FAM151B: variants seen among roughly 807,000 people sequenced by gnomAD.
FAM151B encodes the protein protein FAM151B.
A neutral mutation model predicts 31.2 loss-of-function variants in FAM151B; 24 were observed. That is an observed-to-expected ratio of 0.77 (90% CI 0.56 to 1.08). The LOEUF (loss-of-function observed/expected upper bound fraction) is 1.08. FAM151B is among the 50% of genes least tolerant of loss of function. The probability of loss-of-function intolerance (pLI) is 0.00; values close to 1 mark genes in which losing one functional copy is unlikely to be tolerated. For missense variants in FAM151B, 293 were observed against 328.6 expected (o/e 0.89, Z 0.84); for synonymous variants, 105 against 111.4 (o/e 0.94, Z 0.36).
chr5:80,513,621 G>A lies in FAM151B; in HGVS notation c.169G>A (p.Glu57Lys). Residue 57 changes from glutamate to lysine, a missense_variant, in exon 3 of 6, where the codon GAG becomes AAG. Glu to Lys is a moderately conservative substitution (Grantham distance 56). Coordinates refer to ENST00000282226, the MANE Select transcript of FAM151B (RefSeq NM_205548.3). Reference sequence around the variant, plus strand: ...TTGGACAGGTACTGCTCACATGATAGAGGCTGATGTCCTTCTTCCAAGTGA... The same window carrying A: ...TTGGACAGGTACTGCTCACATGATAAAGGCTGATGTCCTTCTTCCAAGTGA... ...EALKSTAHMIEADVLLPSDGS... is the reference protein window; with the variant it reads ...EALKSTAHMIKADVLLPSDGS... 1 of 1,613,042 alleles carries A rather than the reference G, an allele frequency of 6.2e-7. No individual in the cohort carries two copies. Among genetic ancestry groups the A allele is most frequent in the East Asian group, 2.2e-5 (1 of 44,862 alleles).
chr5:80,519,288 G>C (rs144953542), intron 3 of FAM151B, among the ~76,000 whole-genome samples: 3 of 151,916 alleles, frequency 2.0e-5, no homozygotes, highest in Admixed American at 2.0e-4. Context: ...GATCCACTTG[G>C]GTATTTCATA....
chr5:80,536,361 A>G (rs1456382269), intron 5 of FAM151B, among the ~76,000 whole-genome samples: 2 of 151,830 alleles, frequency 1.3e-5, no homozygotes, highest in African/African-American at 4.8e-5. Context: ...TTTTTAGTAG[A>G]GACGGAGTTT....
intron 2 of FAM151B, among the ~76,000 whole-genome samples, chr5:80,511,437 A>AAT (rs1744183507): frequency 1.6e-5 from 1 of 63,384 alleles, no homozygotes; most frequent in Non-Finnish European, 3.0e-5. Context: ...CTCTGTCTCA[A>AAT]AAAAAAAAAA....
intron 5 of FAM151B, among the ~76,000 whole-genome samples, chr5:80,527,889 A>G (rs1302302791): frequency 6.6e-6 from 1 of 152,194 alleles, no homozygotes; most frequent in Non-Finnish European, 1.5e-5. Flanking sequence ...TTTTTACTTT[A>G]TAAGCTTTTT....
intron 5 of FAM151B, 105 bp downstream of exon 5, chr5:80,522,243 A>G (rs111468030): frequency 8.1e-7 from 1 of 1,235,610 alleles, no homozygotes; most frequent in African/African-American, 1.5e-5. Context: ...AGAGAAAGGT[A>G]GACAGAAAAG....
intron 5 of FAM151B, among the ~76,000 whole-genome samples, chr5:80,526,272 A>G (rs1744960973): frequency 6.6e-6 from 1 of 152,078 alleles, no homozygotes; most frequent in African/African-American, 2.4e-5. Flanking sequence ...TGATTTGGAT[A>G]TTGTGTCCAA....
chr5:80,503,561 C>A (rs1743828544), intron 2 of FAM151B, among the ~76,000 whole-genome samples: 1 of 151,716 alleles, frequency 6.6e-6, no homozygotes, highest in African/African-American at 2.4e-5. Context: ...AGAGTGAGGA[C>A]CTTGTCTCAA....
At chr5:80,493,121 G>C (rs147298954) in intron 1 of FAM151B, among the ~76,000 whole-genome samples, 175 of 152,268 alleles carry the variant, frequency 1.1e-3, no homozygotes, top group African/African-American at 4.1e-3. Flanking sequence ...CAAATTATAA[G>C]AAAGCAAAAC....
chr5:80,497,668 A>T (rs1324993837), intron 1 of FAM151B, among the ~76,000 whole-genome samples: 1 of 152,092 alleles, frequency 6.6e-6, no homozygotes, highest in African/African-American at 2.4e-5. Context: ...AAATTTTTTT[A>T]AATTCTAGAG....
chr5:80,530,630 T>C (rs544649793), intron 5 of FAM151B, among the ~76,000 whole-genome samples: 1 of 152,272 alleles, frequency 6.6e-6, no homozygotes, highest in Non-Finnish European at 1.5e-5. Context: ...TGAACTTCCA[T>C]TCACAATTGC....
At chr5:80,490,019 T>TACACACAC (rs71601587) in intron 1 of FAM151B, among the ~76,000 whole-genome samples, 15,152 of 144,384 alleles carry the variant, frequency 0.1, 865 homozygotes, top group Non-Finnish European at 0.13. Flanking sequence ...TTTTCCCCCT[T>TACACACAC]ACACACACAC....
chr5:80,505,021 AC>A (rs1225154908), intron 2 of FAM151B, among the ~76,000 whole-genome samples: 4 of 151,688 alleles, frequency 2.6e-5, no homozygotes, highest in African/African-American at 9.7e-5. Flanking sequence ...GATAAGCCAC[AC>A]AAACATCAGG....
At chr5:80,514,044 A>G (rs1470618675) in intron 3 of FAM151B, among the ~76,000 whole-genome samples, 1 of 152,244 alleles carries the variant, frequency 6.6e-6, no homozygotes, top group African/African-American at 2.4e-5. Flanking sequence ...TACATATGTT[A>G]AAAAGTAACC....
chr5:80,493,259 C>G (rs189171340), intron 1 of FAM151B, among the ~76,000 whole-genome samples: 32 of 152,298 alleles, frequency 2.1e-4, no homozygotes, highest in African/African-American at 7.7e-4. Context: ...TAATAATACG[C>G]TTATAATTTC....
chr5:80,504,201 A>G (rs78151524), intron 2 of FAM151B, among the ~76,000 whole-genome samples: 2,241 of 152,324 alleles, frequency 0.015, 20 homozygotes, highest in Middle Eastern at 0.037. Flanking sequence ...CAATCTACTT[A>G]GATGTTTCAA....
intron 1 of FAM151B, chr5:80,501,036 C>G (rs893666661): frequency 8.1e-6 from 4 of 495,506 alleles, no homozygotes; most frequent in African/African-American, 7.8e-5. Flanking sequence ...ATTTTTGAGA[C>G]AGAGTCTCAC....
chr5:80,515,905 T>G (rs1744425541), intron 3 of FAM151B, among the ~76,000 whole-genome samples: 1 of 152,096 alleles, frequency 6.6e-6, no homozygotes, highest in Non-Finnish European at 1.5e-5. Context: ...GGCTGGAGAG[T>G]TCACACTTTT....
intron 3 of FAM151B, 31 bp from the exon 4 acceptor site, chr5:80,519,662 C>A (rs1187392273): frequency 1.3e-6 from 2 of 1,582,760 alleles, no homozygotes; most frequent in Middle Eastern, 1.7e-4. Context: ...CCTAAAGAAT[C>A]TATCTCATTG....
chr5:80,490,019 T>TAC (rs71601587), intron 1 of FAM151B, among the ~76,000 whole-genome samples: 17,267 of 144,622 alleles, frequency 0.12, 1,122 homozygotes, highest in Middle Eastern at 0.22. Flanking sequence ...TTTTCCCCCT[T>TAC]ACACACACAC....
Sources: gnomAD v4.1 joint callset for allele counts (sites outside exome capture counted in the v4.1 genomes callset) on GRCh38, gnomAD v4.1.1 for gene constraint, MANE v1.5 for transcripts, NCBI Gene and HGNC (gene_info 2026-07-23, HGNC 2026-07-21) for gene names.